The following NPIPB12 variants were observed in gnomAD, a reference collection of about 807,000 sequenced individuals.
NPIPB12 encodes the protein nuclear pore complex-interacting protein family member B12.
At chr16:29,501,203 G>A (rs1414421246), upstream of NPIPB12, among the ~76,000 whole-genome samples, 1 of 76,288 alleles carries the variant, frequency 1.3e-5, no homozygotes, top group Non-Finnish European at 2.3e-5. Context: ...AAACGGGCTG[G>A]GTGTGGTGGC....
chr16:29,492,879 TA>T (rs1965107426), intron 2 of NPIPB12, among the ~76,000 whole-genome samples: 1 of 77,008 alleles, frequency 1.3e-5, no homozygotes, highest in African/African-American at 5.1e-5. Flanking sequence ...ATTATCATCT[TA>T]TAAGTATTTT....
upstream of NPIPB12, among the ~76,000 whole-genome samples, chr16:29,500,918 G>A (rs1160124734): frequency 4.0e-4 from 1 of 2,486 alleles, no homozygotes; most frequent in Non-Finnish European, 6.7e-4. Flanking sequence ...AGGACCCAGG[G>A]GCCTGGTGAC....
chr16:29,498,318 A>T (rs1268892879), intron 1 of NPIPB12, among the ~76,000 whole-genome samples: 10 of 148,188 alleles, frequency 6.7e-5, no homozygotes, highest in African/African-American at 2.5e-4. Context: ...AAATAAATAA[A>T]TAAATAAATA....
chr16:29,484,988 G>T, downstream of NPIPB12: 1 of 161,526 alleles, frequency 6.2e-6, no homozygotes, highest in Non-Finnish European at 1.0e-5. Flanking sequence ...GATGGTGGAA[G>T]CGGAATCCGC....
intron 1 of NPIPB12, among the ~76,000 whole-genome samples, chr16:29,497,111 G>T: frequency 1.3e-5 from 1 of 78,866 alleles, no homozygotes; most frequent in Non-Finnish European, 2.6e-5. Flanking sequence ...CTTCTCTCTT[G>T]GATTATATGA....
intron 4 of NPIPB12, among the ~76,000 whole-genome samples, chr16:29,490,543 A>T (rs1444091383): frequency 2.0e-5 from 3 of 147,892 alleles, no homozygotes; most frequent in Non-Finnish European, 4.5e-5. Flanking sequence ...CAGCTTGGCC[A>T]ATATGGTGAA....
intron 2 of NPIPB12, among the ~76,000 whole-genome samples, chr16:29,492,777 A>T (rs1010915699): frequency 7.3e-6 from 1 of 136,102 alleles, no homozygotes; most frequent in Non-Finnish European, 1.6e-5. Context: ...CTGGTGACAG[A>T]GTGAGACTCC....
intron 1 of NPIPB12, among the ~76,000 whole-genome samples, chr16:29,498,299 A>AAATAAATAAATAAAT (rs1555481945): frequency 7.8e-5 from 11 of 141,922 alleles, no homozygotes; most frequent in Non-Finnish European, 7.7e-5. Context: ...AAACTGTCTC[A>AAATAAATAAATAAAT]AAATAAATAA....
chr16:29,492,492 CA>C (rs1191028089), intron 2 of NPIPB12, among the ~76,000 whole-genome samples: 58 of 40,206 alleles, frequency 1.4e-3, no homozygotes, highest in African/African-American at 3.3e-3. Flanking sequence ...ACTCTTGTCT[CA>C]AAAAAAAAAA....
At chr16:29,504,181 CCAGT>C (rs1965205007), upstream of NPIPB12, among the ~76,000 whole-genome samples, 1 of 59,652 alleles carries the variant, frequency 1.7e-5, no homozygotes, top group Admixed American at 1.8e-4. Context: ...TCTTTCATAG[CCAGT>C]GTTTTTCTCT....
At chr16:29,498,299 A>T (rs78119031) in intron 1 of NPIPB12, among the ~76,000 whole-genome samples, 6,603 of 140,722 alleles carry the variant, frequency 0.047, 1 homozygote, top group East Asian at 0.16. Flanking sequence ...AAACTGTCTC[A>T]AAATAAATAA....
At chr16:29,492,744 AG>A (rs1965104035) in intron 2 of NPIPB12, among the ~76,000 whole-genome samples, 1 of 127,054 alleles carries the variant, frequency 7.9e-6, no homozygotes, top group Non-Finnish European at 1.7e-5. Flanking sequence ...CAGTGAGCCA[AG>A]ATCCCACCAC....
At chr16:29,498,406 C>T (rs1965168841) in intron 1 of NPIPB12, among the ~76,000 whole-genome samples, 1 of 127,754 alleles carries the variant, frequency 7.8e-6, no homozygotes, top group African/African-American at 2.9e-5. Flanking sequence ...AGTAAACTTA[C>T]ACTTAAGGTT....
chr16:29,504,558 ATC>A (rs1965216411), intron 2 of NPIPB12, among the ~76,000 whole-genome samples: 1 of 147,082 alleles, frequency 6.8e-6, no homozygotes, highest in Admixed American at 6.8e-5. Flanking sequence ...GTGTGTGTGT[ATC>A]TATATAAATC....
At chr16:29,498,407 AC>A in intron 1 of NPIPB12, among the ~76,000 whole-genome samples, 1 of 126,632 alleles carries the variant, frequency 7.9e-6, no homozygotes, top group Non-Finnish European at 1.7e-5. Flanking sequence ...GTAAACTTAC[AC>A]TTAAGGTTAT....
At chr16:29,492,917 TGAAAA>T (rs1965107874) in intron 2 of NPIPB12, among the ~76,000 whole-genome samples, 4 of 43,296 alleles carry the variant, frequency 9.2e-5, no homozygotes, top group Admixed American at 5.8e-4. Flanking sequence ...TTTCACAACT[TGAAAA>T]GGAAGTAATT....
intron 1 of NPIPB12, among the ~76,000 whole-genome samples, chr16:29,497,212 G>C (rs1222073397): frequency 1.2e-5 from 1 of 83,952 alleles, no homozygotes; most frequent in Admixed American, 1.3e-4. Flanking sequence ...TCAAATTTTA[G>C]TGCTTAAAAA....
At chr16:29,490,384 T>G (rs1368481331) in intron 4 of NPIPB12, among the ~76,000 whole-genome samples, 1 of 130,116 alleles carries the variant, frequency 7.7e-6, no homozygotes, top group African/African-American at 3.0e-5. Flanking sequence ...GCAGATCACC[T>G]GAGGTCAGGA....
intron 2 of NPIPB12, among the ~76,000 whole-genome samples, chr16:29,504,530 G>A (rs1295470550): frequency 1.1e-4 from 16 of 141,286 alleles, no homozygotes; most frequent in Admixed American, 6.7e-4. Flanking sequence ...GTGTGTGTGT[G>A]TGTGTGTGTG....
Sources: gnomAD v4.1 joint callset for allele counts (sites outside exome capture counted in the v4.1 genomes callset) on GRCh38, gnomAD v4.1.1 for gene constraint, MANE v1.5 for transcripts, NCBI Gene and HGNC (gene_info 2026-07-23, HGNC 2026-07-21) for gene names.